Variants in RAD54L2 observed in about 807,000 individuals in gnomAD.
The protein encoded by RAD54L2 is helicase ARIP4.
In RAD54L2, 27 loss-of-function variants were observed where a neutral mutation model predicts 138.4. The observed-to-expected ratio is 0.20, with a 90% confidence interval of 0.14 to 0.27. The LOEUF is 0.27. Among genes scored for constraint, RAD54L2 ranks in the 10% least tolerant of loss-of-function variants. The pLI is 1.00. For missense variants in RAD54L2, 1,396 were observed against 1,890.2 expected (o/e 0.74, Z 4.85); for synonymous variants, 644 against 723.2 (o/e 0.89, Z 1.76).
intron 19 of RAD54L2, among the ~76,000 whole-genome samples, chr3:51,653,541 T>A (rs926802978): frequency 2.0e-5 from 3 of 152,192 alleles, no homozygotes; most frequent in African/African-American, 7.2e-5. Flanking sequence ...CAGATGTCCA[T>A]CAATGATAGA....
intron 13 of RAD54L2, 33 bp downstream of exon 13, chr3:51,639,703 CTAT>C: frequency 3.7e-6 from 6 of 1,609,524 alleles, no homozygotes; most frequent in Non-Finnish European, 5.1e-6. Flanking sequence ...GAACCATAAA[CTAT>C]TGCTGAGAAG....
chr3:51,593,035 G>A (rs887373557), intron 3 of RAD54L2, among the ~76,000 whole-genome samples: 6 of 152,170 alleles, frequency 3.9e-5, no homozygotes, highest in African/African-American at 1.4e-4. Flanking sequence ...TCTAGTTTTA[G>A]TTGGTGTAGT....
chr3:51,635,538 A>G (rs966237281), intron 9 of RAD54L2, 55 bp from the exon 10 acceptor site: 147 of 1,517,488 alleles, frequency 9.7e-5, no homozygotes, highest in Non-Finnish European at 9.5e-5. Context: ...AGCAGAAACA[A>G]TAATTCTTGA....
intron 12 of RAD54L2, chr3:51,639,190 C>T: frequency 1.8e-6 from 1 of 550,752 alleles, no homozygotes; most frequent in Non-Finnish European, 3.2e-6. Context: ...TACTTACTGG[C>T]ATGGCTCCTG....
intron 2 of RAD54L2, among the ~76,000 whole-genome samples, chr3:51,579,348 G>A (rs1425089961): frequency 6.6e-6 from 1 of 152,136 alleles, no homozygotes; most frequent in Non-Finnish European, 1.5e-5. Flanking sequence ...ACAGATGTAA[G>A]TTCTCACTTT....
rs961721074 is a variant in RAD54L2, at chr3:51,650,284, A to G, written c.3026+3803A>G. ...AATACAGGAGCACCCAGATTCATAA[A>G]GCAAGTCCTTAGAGACCTACAAAGA... is the stretch of plus-strand genomic sequence containing the variant. On this transcript the variant is annotated intron_variant, in intron 19 of 22. Coordinates refer to ENST00000684192, the MANE Select transcript of RAD54L2 (RefSeq NM_015106.4). Among the ~76,000 whole-genome samples the G allele has an allele frequency of 4.6e-5, 7 of 152,228 alleles. No homozygotes were observed. In the South Asian group the frequency reaches 1.4e-3, roughly 32 times the overall value.
intron 3 of RAD54L2, among the ~76,000 whole-genome samples, 163 bp downstream of exon 3, chr3:51,590,722 G>A (rs1699821834): frequency 6.6e-6 from 1 of 152,158 alleles, no homozygotes; most frequent in Admixed American, 6.5e-5. Context: ...TCATTCCTAG[G>A]AAATAGATTA....
chr3:51,663,858 G>A lies in RAD54L2; in HGVS notation c.*438G>A, dbSNP rs1701853040. The A allele has an allele frequency of 6.0e-6, 1 of 166,434 alleles. No individual in the cohort carries two copies. The highest frequency in any genetic ancestry group is 2.4e-5 in the African/African-American group (1 of 41,412). 10.3% of individuals were successfully genotyped at this position (166,434 alleles called of 1,614,324 possible). A position where few individuals can be genotyped will look rare whatever the true frequency, so the allele number is the denominator to read the frequency against. ...AAGGAAGGGAGAATGAGTGAGAGAA[G>A]GAGGGTGGGTAGGGGGAGCAGACTG... On this transcript the variant is annotated 3_prime_UTR_variant, in exon 23 of 23. Coordinates refer to ENST00000684192, the MANE Select transcript of RAD54L2 (RefSeq NM_015106.4).
intron 2 of RAD54L2, among the ~76,000 whole-genome samples, chr3:51,573,866 C>CT (rs1327151914): frequency 6.6e-6 from 1 of 151,966 alleles, no homozygotes; most frequent in Admixed American, 6.6e-5. Flanking sequence ...AAAAATTATA[C>CT]TTTAAGTTCT....
At chr3:51,605,528 G>A (rs962690766) in intron 3 of RAD54L2, among the ~76,000 whole-genome samples, 2 of 132,792 alleles carry the variant, frequency 1.5e-5, no homozygotes, top group Non-Finnish European at 3.1e-5. Flanking sequence ...TCTTGGCTCA[G>A]TGCAGCCTCC....
chr3:51,592,291 A>G (rs1468340760), intron 3 of RAD54L2, among the ~76,000 whole-genome samples: 2 of 151,676 alleles, frequency 1.3e-5, no homozygotes, highest in Non-Finnish European at 2.9e-5. Context: ...TCGAACTCCT[A>G]ACCTCAGGTG....
chr3:51,553,609 T>C (rs1698896782), intron 2 of RAD54L2, among the ~76,000 whole-genome samples: 1 of 152,186 alleles, frequency 6.6e-6, no homozygotes, highest in African/African-American at 2.4e-5. Context: ...GGAGGATGAC[T>C]TGAGGCCAGA....
rs577739949 is a variant in RAD54L2, at chr3:51,650,432, A to G, written c.3026+3951A>G. ...ACTTGAACTCAGCTCTGGACCAAGC[A>G]GACCTAATAGACATCTACAGAATTC... is the stretch of plus-strand genomic sequence containing the variant. On this transcript the variant is annotated intron_variant, in intron 19 of 22. Transcript: ENST00000684192. Among the ~76,000 whole-genome samples the G allele has an allele frequency of 6.6e-5, 10 of 152,334 alleles. No individual in the cohort carries two copies. In the East Asian group the frequency reaches 1.9e-3, roughly 29 times the overall value.
At chr3:51,556,057 A>G (rs927711485) in intron 2 of RAD54L2, among the ~76,000 whole-genome samples, 2 of 151,950 alleles carry the variant, frequency 1.3e-5, no homozygotes, top group Admixed American at 1.3e-4. Context: ...TGTAACCTTG[A>G]TTTACCTATT....
chr3:51,614,203 C>T (rs1700394148), intron 3 of RAD54L2, among the ~76,000 whole-genome samples: 1 of 151,798 alleles, frequency 6.6e-6, no homozygotes, highest in Admixed American at 6.6e-5. Flanking sequence ...GCTCTGTTGC[C>T]CAAGCTAGAG....
chr3:51,653,899 T>C lies in RAD54L2; in HGVS notation c.3027-2072T>C, dbSNP rs145110427. Among the ~76,000 whole-genome samples the C allele has an allele frequency of 2.5e-3, 377 of 152,292 alleles. 3 individuals carry two copies. The highest frequency in any genetic ancestry group is 8.4e-3 in the African/African-American group (349 of 41,552). On this transcript the variant is annotated intron_variant, in intron 19 of 22. Transcript: ENST00000684192. ...ATACATACGTAACAACCCTACACGTTGTGCATGTGTACCCTGGAACTTAAA... is the reference window on the plus strand; with the variant it reads ...ATACATACGTAACAACCCTACACGTCGTGCATGTGTACCCTGGAACTTAAA...
chr3:51,647,528 G>T (rs757633690), intron 19 of RAD54L2, among the ~76,000 whole-genome samples: 1 of 152,144 alleles, frequency 6.6e-6, no homozygotes, highest in African/African-American at 2.4e-5. Flanking sequence ...AATTAGCCAG[G>T]TGTGGTGCTG....
chr3:51,659,957 C>T, intron 21 of RAD54L2, 69 bp from the exon 22 acceptor site: 2 of 1,217,698 alleles, frequency 1.6e-6, no homozygotes, highest in Non-Finnish European at 2.3e-6. Flanking sequence ...CGGCGCACAG[C>T]CTGGAGTTTC....
chr3:51,586,909 G>C (rs535548808), intron 2 of RAD54L2, among the ~76,000 whole-genome samples: 1 of 151,894 alleles, frequency 6.6e-6, no homozygotes, highest in African/African-American at 2.4e-5. Flanking sequence ...GAAAGAGAGG[G>C]GTTGTGCTGT....
Sources: allele counts gnomAD v4.1 joint callset (sites outside exome capture counted in the v4.1 genomes callset), GRCh38; gene constraint gnomAD v4.1.1; transcripts MANE v1.5; gene names NCBI Gene and HGNC (gene_info 2026-07-23, HGNC 2026-07-21).